The following CFAP69 variants were observed in gnomAD, a reference collection of about 807,000 sequenced individuals.
CFAP69 encodes cilia and flagella associated protein 69, also known as cilia- and flagella-associated protein 69.
A neutral mutation model predicts 123.0 loss-of-function variants in CFAP69; 92 were observed. The ratio of observed to expected loss-of-function variants is 0.75; its 90% CI spans 0.63 to 0.89. The LOEUF (loss-of-function observed/expected upper bound fraction) is 0.89, where lower values mean the gene tolerates loss of function less well. CFAP69 is among the 40% of genes least tolerant of loss of function. The pLI is 0.00. For synonymous variants in CFAP69, 380 were observed against 364.3 expected (o/e 1.04, Z -0.49); for missense variants, 1,067 against 1,096.9 (o/e 0.97, Z 0.39).
downstream of CFAP69, chr7:90,312,670 A>C (rs1794431170): frequency 6.6e-6 from 1 of 152,142 alleles, no homozygotes; most frequent in African/African-American, 2.4e-5. Flanking sequence ...TTCTCACAAT[A>C]TCACTAACTC....
chr7:90,264,460 T>C (rs17863971), intron 4 of CFAP69, among the ~76,000 whole-genome samples: 6,962 of 151,956 alleles, frequency 0.046, 214 homozygotes, highest in South Asian at 0.11. Flanking sequence ...ACCCAGCTAA[T>C]AAGCAAAAAT....
chr7:90,320,242 C>T, the CFAP69 span: 1 of 152,270 alleles, frequency 6.6e-6, no homozygotes, highest in African/African-American at 2.4e-5. Flanking sequence ...CCAAATGGTA[C>T]TAGATCTCAC....
intron 8 of CFAP69, among the ~76,000 whole-genome samples, chr7:90,273,709 T>C (rs1800309921): frequency 6.6e-6 from 1 of 152,132 alleles, no homozygotes; most frequent in East Asian, 1.9e-4. Context: ...AATTCTGATA[T>C]CAGGGTGCCA....
intron 11 of CFAP69, among the ~76,000 whole-genome samples, chr7:90,277,795 T>G (rs1437420975): frequency 6.6e-6 from 1 of 152,154 alleles, no homozygotes; most frequent in East Asian, 1.9e-4. Flanking sequence ...TGAATTTATC[T>G]TAATACTTTG....
At chr7:90,285,435 TA>T (rs1790124556) in intron 13 of CFAP69, among the ~76,000 whole-genome samples, 2 of 152,272 alleles carry the variant, frequency 1.3e-5, no homozygotes, top group South Asian at 2.1e-4. Context: ...ATTTAAAGCT[TA>T]AAAAAATCCT....
chr7:90,316,977 G>C, the CFAP69 span: 2 of 152,172 alleles, frequency 1.3e-5, no homozygotes, highest in East Asian at 3.9e-4. Flanking sequence ...TCAATCATTT[G>C]CCCACAGACT....
chr7:90,299,125 G>A (rs1005255845), intron 16 of CFAP69, among the ~76,000 whole-genome samples: 6 of 151,938 alleles, frequency 3.9e-5, no homozygotes, highest in Admixed American at 6.6e-5. Context: ...GATGATGTTC[G>A]CAATTAAAAC....
At chr7:90,289,044 ATTG>A in intron 15 of CFAP69, among the ~76,000 whole-genome samples, 1 of 152,108 alleles carries the variant, frequency 6.6e-6, no homozygotes, top group Admixed American at 6.5e-5. Context: ...AAAAAATTAC[ATTG>A]TTTTTACTTG....
At position 90,288,738 on chromosome 7, in the gene CFAP69, C is replaced by T. The variant is rs1790670365; in HGVS notation, c.1775+386C>T. Among the ~76,000 whole-genome samples the T allele has an allele frequency of 4.6e-5, 7 of 152,184 alleles. No homozygotes were observed. In the South Asian group the frequency reaches 1.5e-3, roughly 32 times the overall value. On this transcript the variant is annotated intron_variant, in intron 15 of 22. Coordinates refer to ENST00000389297, the MANE Select transcript of CFAP69 (RefSeq NM_001039706.3). Reference sequence around the variant, plus strand: ...GCAGTACCAGTTGCTGTGAGTGAGTCAGTGAGTGAATGGGGAATGAATGTG... The same window carrying T: ...GCAGTACCAGTTGCTGTGAGTGAGTTAGTGAGTGAATGGGGAATGAATGTG...
chr7:90,323,408 G>A, the CFAP69 span, among the ~76,000 whole-genome samples: 1 of 152,162 alleles, frequency 6.6e-6, no homozygotes, highest in Non-Finnish European at 1.5e-5. Context: ...AGGAAAGTGA[G>A]ATGTAGATAG....
intron 13 of CFAP69, among the ~76,000 whole-genome samples, chr7:90,285,831 A>G (rs1790192039): frequency 6.6e-6 from 1 of 152,348 alleles, no homozygotes; most frequent in East Asian, 1.9e-4. Flanking sequence ...GCATCCTTTA[A>G]TGACATACTG....
intron 4 of CFAP69, among the ~76,000 whole-genome samples, chr7:90,263,006 C>G (rs1013253551): frequency 6.6e-6 from 1 of 151,914 alleles, no homozygotes; most frequent in Non-Finnish European, 1.5e-5. Context: ...CTGGTGTTTT[C>G]AAGGAACAAA....
At position 90,245,281 on chromosome 7, in the gene CFAP69, G is replaced by C. The variant is rs1465880024; in HGVS notation, c.-144G>C. On this transcript the variant is annotated 5_prime_UTR_variant, in exon 1 of 23. Transcript: ENST00000389297. ...CTGTATGGCGGTGGCCTAGGCCCCT[G>C]GCGGAATTTTGGGACCTTTCGCGAC... is the stretch of plus-strand genomic sequence containing the variant. 1 of 1,187,414 alleles carries C rather than the reference G, an allele frequency of 8.4e-7. No homozygotes were observed. The highest frequency in any genetic ancestry group is 1.1e-6 in the Non-Finnish European group (1 of 901,996). 73.6% of individuals were successfully genotyped at this position (1,187,414 alleles called of 1,614,324 possible).
chr7:90,286,327 C>T lies in CFAP69; in HGVS notation c.1584C>T (p.Ala528=), dbSNP rs1017452990. ...IISKPNEKEE[A]IVLEIQSDIL... ...GCAAGCCTAATGAAAAGGAAGAAGC[C>T]ATTGTTTTGGAAATCCAGTCTGATA... Residue 528 remains alanine, a synonymous_variant, in exon 14 of 23, where the codon GCC becomes GCT. Coordinates refer to ENST00000389297, the MANE Select transcript of CFAP69 (RefSeq NM_001039706.3). The T allele has an allele frequency of 1.2e-6, 2 of 1,608,504 alleles. No individual in the cohort carries two copies. Among genetic ancestry groups the T allele is most frequent in the Non-Finnish European group, 1.7e-6 (2 of 1,176,770 alleles).
rs184269942 is a variant in CFAP69 at position 90,304,058 on chromosome 7, G to A, written c.2140G>A (p.Val714Ile). Reference protein sequence around the residue: ...ANCPSIAVMDVSENIRAKIYA... With the variant: ...ANCPSIAVMDISENIRAKIYA... ...CTGCCCATCTATTGCGGTTATGGAT[G>A]TTTCTGAGAATATTAGAGCAAAAAT... Residue 714 changes from valine (V) to isoleucine (I), a missense_variant, in exon 18 of 23, where the codon GTT becomes ATT. Coordinates refer to ENST00000389297, the MANE Select transcript of CFAP69 (RefSeq NM_001039706.3). The A allele has an allele frequency of 5.2e-6, 8 of 1,551,082 alleles. No individual in the cohort carries two copies. The Admixed American group carries it at 1.4e-4, about 27-fold the overall frequency.
rs919006397 is a variant in CFAP69 at position 90,255,595 on chromosome 7, A to G, written c.180+113A>G. 6 of 806,454 alleles carry G rather than the reference A, an allele frequency of 7.4e-6. No individual in the cohort carries two copies. In the African/African-American group the frequency reaches 8.5e-5, roughly 11 times the overall value. The allele number at this position is 806,454 out of a possible 1,614,324, so 50.0% of individuals were successfully genotyped here. On this transcript the variant is annotated intron_variant, in intron 2 of 22. Coordinates refer to ENST00000389297, the MANE Select transcript of CFAP69 (RefSeq NM_001039706.3). The stretch of plus-strand genomic sequence containing the variant: ...TCTCATTTATCTCGTTTTGTTGAAA[A>G]CATTTTAAATAGTACATATCTTATA...
At position 90,245,489 on chromosome 7, in the gene CFAP69, G is replaced by T; in HGVS notation, c.65G>T (p.Ser22Ile). The change falls in exon 1 of 23, where the codon AGC (serine) becomes ATC (isoleucine). Residue 22 changes from serine (S) to isoleucine (I), a missense_variant. Physicochemically the swap from Ser to Ile is moderately radical, Grantham distance 142. Coordinates refer to ENST00000389297, the MANE Select transcript of CFAP69 (RefSeq NM_001039706.3). ...AQESGIRNKS[S>I]SSSQIPVVGV... ...GAATCCGGCATCAGGAACAAGTCTAGCAGTTCCAGTCAAATCCCGGTGGTT... is the reference window on the plus strand; with the variant it reads ...GAATCCGGCATCAGGAACAAGTCTATCAGTTCCAGTCAAATCCCGGTGGTT... 6.5e-7 allele frequency: 1 copy of T among 1,547,742 alleles called. No homozygotes were observed.
chr7:90,289,249 T>G (rs911564171), intron 15 of CFAP69, among the ~76,000 whole-genome samples: 2 of 152,240 alleles, frequency 1.3e-5, no homozygotes, highest in East Asian at 3.9e-4. Context: ...TTTTCCAAAG[T>G]ACTTACATCA....
chr7:90,262,007 A>C lies in CFAP69; in HGVS notation c.307A>C (p.Asn103His). The C allele has an allele frequency of 1.2e-6, 2 of 1,605,224 alleles. No individual in the cohort carries two copies. The highest frequency in any genetic ancestry group is 1.7e-6 in the Non-Finnish European group (2 of 1,176,828). ...GAATCTGTGTTCAGGAAAAATAAAAAACCAGCCTCGTTTTATAGAATCTGC... is the reference window on the plus strand; with the variant it reads ...GAATCTGTGTTCAGGAAAAATAAAACACCAGCCTCGTTTTATAGAATCTGC... Reference protein sequence around the residue: ...ILNLCSGKIKNQPRFIESAYD... With the variant: ...ILNLCSGKIKHQPRFIESAYD... Residue 103 changes from asparagine to histidine, a missense_variant, in exon 4 of 23, where the codon AAC becomes CAC. By Grantham distance (68) the Asn-to-His change is moderately conservative. Transcript: ENST00000389297.
Sources: allele counts gnomAD v4.1 joint callset (sites outside exome capture counted in the v4.1 genomes callset), GRCh38; gene constraint gnomAD v4.1.1; transcripts MANE v1.5; gene names NCBI Gene and HGNC (gene_info 2026-07-23, HGNC 2026-07-21).